GPI: variants seen among roughly 807,000 people sequenced by gnomAD.
The protein encoded by GPI is glucose-6-phosphate isomerase.
A neutral mutation model predicts 75.8 loss-of-function variants in GPI; 56 were observed. The observed-to-expected ratio is 0.74, with a 90% CI of 0.60 to 0.92. The LOEUF (loss-of-function observed/expected upper bound fraction) is 0.92, where lower values mean the gene tolerates loss of function less well. Among genes scored for constraint, GPI ranks in the 40% least tolerant of loss-of-function variants. The pLI is 0.00. For missense variants in GPI, 638 were observed against 741.0 expected (o/e 0.86, Z 1.61); for synonymous variants, 288 against 285.4 (o/e 1.01, Z -0.09).
Position 34,377,609 on chromosome 19 carries a change from G to C in GPI, c.486+23G>C, listed in dbSNP as rs758856106. The C allele has an allele frequency of 3.1e-6, 5 of 1,601,032 alleles. No individual in the cohort carries two copies. In the Admixed American group the frequency reaches 8.3e-5, roughly 27 times the overall value. On this transcript the variant is annotated intron_variant, in intron 5 of 17. Coordinates refer to ENST00000356487, the MANE Select transcript of GPI (RefSeq NM_000175.5). ...CTGGTGAGGAGAAAACTGCCTTGGG[G>C]TAGGGTGGGAGTCTGGGCACTGTTG... is the stretch of plus-strand genomic sequence containing the variant.
At chr19:34,379,683 A>G in intron 8 of GPI, 121 bp downstream of exon 8, 1 of 872,134 alleles carries the variant, frequency 1.1e-6, no homozygotes, top group Non-Finnish European at 2.0e-6. Flanking sequence ...ATGGTATGGA[A>G]GGTTTGGTTG....
rs1233755775 is a variant in GPI at position 34,377,358 on chromosome 19, T to TATATATATATATATAC, written c.403-145_403-144insATATATATATATATAC. 37 of 299,704 alleles carry TATATATATATATATAC rather than the reference T, an allele frequency of 1.2e-4. No homozygotes were observed. In the African/African-American group the frequency reaches 1.3e-3, roughly 10 times the overall value. 18.6% of individuals were successfully genotyped at this position (299,704 alleles called of 1,614,324 possible). On this transcript the variant is annotated intron_variant, in intron 4 of 17. Transcript: ENST00000356487. Reference sequence around the variant, plus strand: ...AAAAATATATATATATATATATATATGGTAAATTAAAAACAAAAAAATAGA... The same window carrying TATATATATATATATAC: ...AAAAATATATATATATATATATATATATATATATATATATACGGTAAATTAAAAACAAAAAAATAGA...
At chr19:34,380,192 C>T (rs2074627648) in intron 8 of GPI, among the ~76,000 whole-genome samples, 2 of 151,792 alleles carry the variant, frequency 1.3e-5, no homozygotes, top group Non-Finnish European at 2.9e-5. Context: ...GACGGGGTTT[C>T]ACCACGTTGG....
intron 15 of GPI, 62 bp from the exon 16 acceptor site, chr19:34,399,494 T>C: frequency 2.5e-6 from 4 of 1,574,198 alleles, no homozygotes; most frequent in Non-Finnish European, 3.5e-6. Context: ...CAGGGTGTGC[T>C]TCCCTTCAAG....
chr19:34,383,932 T>C (rs2074693841), intron 9 of GPI, among the ~76,000 whole-genome samples: 1 of 151,772 alleles, frequency 6.6e-6, no homozygotes, highest in African/African-American at 2.4e-5. Flanking sequence ...TCAGGTTAGG[T>C]GTGTATAATG....
In GPI at chr19:34,381,151, C is replaced by G. The variant is rs1463105730; in HGVS notation, c.751-315C>G. On this transcript the variant is annotated intron_variant, in intron 8 of 17. Transcript: ENST00000356487. ...TCATGCTCTGGTGTCCCAGGCAGGC[C>G]TGGGTGAGAGCTGTTGCAGAGCAGT... 1.1e-5 allele frequency: 5 copies of G among 454,516 alleles called. No individual in the cohort carries two copies. In the Admixed American group the frequency reaches 1.4e-4, roughly 12 times the overall value. The allele number at this position is 454,516 out of a possible 1,614,324, so 28.2% of individuals were successfully genotyped here.
intron 14 of GPI, chr19:34,398,461 C>G (rs2145434059): frequency 6.6e-6 from 1 of 152,218 alleles, no homozygotes; most frequent in South Asian, 2.1e-4. Context: ...TGATGCCTTT[C>G]CTCCTTAGGA....
intron 8 of GPI, among the ~76,000 whole-genome samples, chr19:34,380,529 A>G (rs971314934): frequency 1.3e-4 from 20 of 152,134 alleles, no homozygotes; most frequent in East Asian, 1.2e-3. Context: ...TGATCTGCCC[A>G]CCTCGGCCTA....
intron 9 of GPI, among the ~76,000 whole-genome samples, chr19:34,390,160 C>T (rs1375171823): frequency 1.3e-5 from 2 of 150,638 alleles, no homozygotes; most frequent in Non-Finnish European, 3.0e-5. Context: ...AGTGATGAGT[C>T]TTCATTGTTC....
intron 4 of GPI, 137 bp downstream of exon 4, chr19:34,368,839 C>T: frequency 1.0e-6 from 1 of 961,708 alleles, no homozygotes; most frequent in South Asian, 1.4e-5. Flanking sequence ...GGAGGGGTTG[C>T]CTGTGTGATC....
chr19:34,365,110 G>T, upstream of GPI: 9 of 1,385,958 alleles, frequency 6.5e-6, no homozygotes, highest in Non-Finnish European at 8.5e-6. Flanking sequence ...CGCGGGTCGG[G>T]GGCGGGGCCG....
At chr19:34,366,076 A>G (rs1463422563) in intron 1 of GPI, 1 of 664,474 alleles carries the variant, frequency 1.5e-6, no homozygotes, top group African/African-American at 1.8e-5. Flanking sequence ...AGCCCTGGGA[A>G]GGGGTGGTCC....
In GPI at chr19:34,399,638, G is replaced by A. The variant is rs967731914; in HGVS notation, c.1474+7G>A. ...ATGCTTGGAGCCTTGGTCGGTGAGT[G>A]AGTAGGGGAAAGGTCCTGGCTTGGG... On this transcript the variant is annotated splice_region_variant and intron_variant, in intron 16 of 17. Transcript: ENST00000356487. The A allele has an allele frequency of 6.2e-7, 1 of 1,614,130 alleles. No homozygotes were observed. Among genetic ancestry groups the A allele is most frequent in the African/African-American group, 1.3e-5 (1 of 75,052 alleles).
chr19:34,362,917 CG>C (rs1307868429), upstream of GPI, among the ~76,000 whole-genome samples: 1 of 152,140 alleles, frequency 6.6e-6, no homozygotes, highest in Non-Finnish European at 1.5e-5. Context: ...GGTAGAAACA[CG>C]GGTGGGAGAG....
intron 9 of GPI, among the ~76,000 whole-genome samples, chr19:34,390,064 G>C (rs1472683303): frequency 6.6e-6 from 1 of 152,228 alleles, no homozygotes; most frequent in African/African-American, 2.4e-5. Context: ...GGGCCTGTCA[G>C]TGTCCAGGAG....
chr19:34,399,179 C>T (rs764263106), intron 14 of GPI, 28 bp from the exon 15 acceptor site: 1 of 1,606,320 alleles, frequency 6.2e-7, no homozygotes, highest in African/African-American at 1.3e-5. Context: ...ACAGTGCTCT[C>T]AAGCATAACT....
At chr19:34,388,730 C>T (rs1299972613) in intron 9 of GPI, among the ~76,000 whole-genome samples, 1 of 152,120 alleles carries the variant, frequency 6.6e-6, no homozygotes, top group African/African-American at 2.4e-5. Context: ...ATCTGAGGAC[C>T]TGTTCTCGGC....
Position 34,379,505 on chromosome 19 carries a change from C to T in GPI, c.706-13C>T. On this transcript the variant is annotated splice_polypyrimidine_tract_variant and intron_variant, in intron 7 of 17. Coordinates refer to ENST00000356487, the MANE Select transcript of GPI (RefSeq NM_000175.5). ...CTGGGCTGGCTGTGGTAACTTGGCTCTGTCTCTTGTAGCCTTCTGCAGTGG... is the reference window on the plus strand; with the variant it reads ...CTGGGCTGGCTGTGGTAACTTGGCTTTGTCTCTTGTAGCCTTCTGCAGTGG... 1 of 1,613,824 alleles carries T rather than the reference C, an allele frequency of 6.2e-7. No individual in the cohort carries two copies. Among genetic ancestry groups the T allele is most frequent in the Non-Finnish European group, 8.5e-7 (1 of 1,179,666 alleles).
At chr19:34,376,299 T>A (rs2074535000) in intron 4 of GPI, among the ~76,000 whole-genome samples, 1 of 152,184 alleles carries the variant, frequency 6.6e-6, no homozygotes, top group African/African-American at 2.4e-5. Context: ...CTCATGCCTG[T>A]AATCCAAGCG....
Sources: allele counts gnomAD v4.1 joint callset (sites outside exome capture counted in the v4.1 genomes callset), GRCh38; gene constraint gnomAD v4.1.1; transcripts MANE v1.5; gene names NCBI Gene and HGNC (gene_info 2026-07-23, HGNC 2026-07-21).